Variants in GRK1 observed in about 807,000 individuals in gnomAD.
GRK1 encodes the protein G protein-coupled receptor kinase 1, also known as rhodopsin kinase GRK1.
In GRK1, 28 loss-of-function variants were observed where a neutral mutation model predicts 41.7. The observed-to-expected ratio is 0.67, with a 90% confidence interval of 0.50 to 0.92. The LOEUF (loss-of-function observed/expected upper bound fraction) is 0.92, where lower values mean the gene tolerates loss of function less well. GRK1 is among the 40% of genes least tolerant of loss of function. The pLI, the probability that GRK1 is intolerant of heterozygous loss-of-function variation, is 0.00. For synonymous variants in GRK1, 327 were observed against 286.7 expected, an observed-to-expected ratio of 1.14 and a Z score of -1.42; for missense variants, 703 against 671.2, an observed-to-expected ratio of 1.05 and a Z score of -0.52.
At chr13:113,733,850 TATGTGTGCATAC>T (rs1332072578) in intron 6 of GRK1, among the ~76,000 whole-genome samples, 3 of 137,708 alleles carry the variant, frequency 2.2e-5, no homozygotes, top group East Asian at 2.1e-4. Flanking sequence ...TGTGCATGTG[TATGTGTGCATAC>T]GTGTGTGCGT....
chr13:113,653,717 G>C, the GRK1 span, among the ~76,000 whole-genome samples: 1 of 152,230 alleles, frequency 6.6e-6, no homozygotes, highest in African/African-American at 2.4e-5. Flanking sequence ...TCTGTGACAG[G>C]TGATGACTAA....
the GRK1 span, chr13:113,658,224 T>G: frequency 1.5e-6 from 2 of 1,367,866 alleles, no homozygotes; most frequent in Non-Finnish European, 2.0e-6. Flanking sequence ...CCTCTGGGCT[T>G]TATAGTTTCC....
intron 4 of GRK1, among the ~76,000 whole-genome samples, chr13:113,724,811 C>G (rs1395353932): frequency 6.6e-6 from 1 of 152,240 alleles, no homozygotes; most frequent in Non-Finnish European, 1.5e-5. Flanking sequence ...ACGGTTGGCG[C>G]TGCGGCCCTC....
At chr13:113,733,756 TGC>T (rs769207601) in intron 6 of GRK1, among the ~76,000 whole-genome samples, 30 of 118,760 alleles carry the variant, frequency 2.5e-4, no homozygotes, top group Non-Finnish European at 5.0e-4. Context: ...TACATGTGTG[TGC>T]GTGTGTATGT....
chr13:113,652,427 A>G, the GRK1 span, among the ~76,000 whole-genome samples: 9 of 152,196 alleles, frequency 5.9e-5, no homozygotes, highest in African/African-American at 9.6e-5. Flanking sequence ...CTGCTTGGCC[A>G]GGACCTGCCC....
the GRK1 span, among the ~76,000 whole-genome samples, chr13:113,660,919 G>A: frequency 5.8e-4 from 89 of 152,300 alleles, no homozygotes; most frequent in Non-Finnish European, 1.1e-3. Flanking sequence ...TATAGTTGGA[G>A]ATCTCAACAC....
chr13:113,655,251 A>G, the GRK1 span, among the ~76,000 whole-genome samples: 1 of 152,152 alleles, frequency 6.6e-6, no homozygotes, highest in African/African-American at 2.4e-5. Flanking sequence ...GTGGCCGAGG[A>G]TGCGCCACCA....
At chr13:113,725,261 C>T (rs1730494590) in intron 4 of GRK1, among the ~76,000 whole-genome samples, 1 of 151,538 alleles carries the variant, frequency 6.6e-6, no homozygotes, top group Admixed American at 6.6e-5. Flanking sequence ...GGTGCGGACC[C>T]AGGGGCGTGC....
At position 113,733,681 on chromosome 13, in the gene GRK1, A is replaced by G. The variant is rs1427667721; in HGVS notation, c.1396+596A>G. The stretch of plus-strand genomic sequence containing the variant: ...TGTGTGCGTGTGTGCACGTGTGTGC[A>G]TGTATGTGTGCATACATGTGTGCGT... On this transcript the variant is annotated intron_variant, in intron 6 of 6. Transcript: ENST00000335678. Among the ~76,000 whole-genome samples the G allele has an allele frequency of 5.0e-3, 438 of 87,582 alleles. 6 individuals carry two copies. Among genetic ancestry groups the G allele is most frequent in the African/African-American group, 0.025 (409 of 16,680 alleles). The allele number at this position is 87,582 out of a possible 152,430, so 57.5% of individuals were successfully genotyped here. A position where few individuals can be genotyped will look rare whatever the true frequency, so the allele number is the denominator to read the frequency against.
At chr13:113,648,941 C>G in the GRK1 span, 1 of 152,522 alleles carries the variant, frequency 6.6e-6, no homozygotes, top group Non-Finnish European at 1.5e-5. Flanking sequence ...AGCAAGAATT[C>G]AGAATGTCAT....
the GRK1 span, among the ~76,000 whole-genome samples, chr13:113,658,467 A>G: frequency 1.3e-5 from 2 of 152,290 alleles, no homozygotes; most frequent in South Asian, 4.1e-4. Context: ...CAGCACTCAC[A>G]GGCCCTTCCC....
At chr13:113,663,038 T>C (rs1305377117), upstream of GRK1, among the ~76,000 whole-genome samples, 1 of 152,228 alleles carries the variant, frequency 6.6e-6, no homozygotes, top group African/African-American at 2.4e-5. Flanking sequence ...TTTTGAAATT[T>C]TTTTTGAAAA....
chr13:113,732,200 C>T (rs938908036), intron 5 of GRK1, among the ~76,000 whole-genome samples: 1 of 152,202 alleles, frequency 6.6e-6, no homozygotes, highest in Non-Finnish European at 1.5e-5. Context: ...CCTTGAGGTG[C>T]GGCTCTTCCC....
Position 113,667,316 on chromosome 13 carries a change from T to C in GRK1, c.-71T>C, listed in dbSNP as rs770238552. On this transcript the variant is annotated 5_prime_UTR_variant, in exon 1 of 7. Transcript: ENST00000335678. This position sits in a 1 kb window ranked among gnomAD's most constrained non-coding sequence, Gnocchi z 7.5. Reference sequence around the variant, plus strand: ...CCAAGGGCAGCAGTCAGGCCTGCTCTGTCTGTGAACGCTCCCGGCTTGGCC... The same window carrying C: ...CCAAGGGCAGCAGTCAGGCCTGCTCCGTCTGTGAACGCTCCCGGCTTGGCC... 11 of 1,410,428 alleles carry C rather than the reference T, an allele frequency of 7.8e-6. No homozygotes were observed. Among genetic ancestry groups the C allele is most frequent in the Non-Finnish European group, 9.5e-6 (10 of 1,055,664 alleles). The allele number at this position is 1,410,428 out of a possible 1,614,324, so 87.4% of individuals were successfully genotyped here.
chr13:113,667,400 C>A lies in GRK1; in HGVS notation c.14C>A (p.Ser5Tyr), dbSNP rs1279817294. 1.3e-6 allele frequency: 2 copies of A among 1,581,064 alleles called. No homozygotes were observed. The highest frequency in any genetic ancestry group is 2.3e-5 in the East Asian group (1 of 44,094). The change falls in exon 1 of 7, where the codon TCT becomes TAT. Residue 5 changes from serine to tyrosine, a missense_variant. Ser to Tyr is a moderately radical substitution (Grantham distance 144). Coordinates refer to ENST00000335678, the MANE Select transcript of GRK1 (RefSeq NM_002929.3). This position sits in a 1 kb window ranked among gnomAD's most constrained non-coding sequence, Gnocchi z 7.5. MDFG[S>Y]LETVVANSAF... ...GGAAGCTCCGGGATGGATTTCGGGT[C>A]TTTGGAGACCGTGGTGGCCAACTCT...
the GRK1 span, among the ~76,000 whole-genome samples, chr13:113,656,644 A>C: frequency 1.3e-5 from 2 of 152,108 alleles, no homozygotes; most frequent in Non-Finnish European, 2.9e-5. Flanking sequence ...CTGCACCTGC[A>C]CCCGTCCCCC....
In GRK1 at chr13:113,668,661, C is replaced by T. The variant is rs1046954935; in HGVS notation, c.699+576C>T. Among the ~76,000 whole-genome samples, 12 of 152,358 alleles carry T rather than the reference C, an allele frequency of 7.9e-5. No homozygotes were observed. In the South Asian group the frequency reaches 2.1e-3, roughly 26 times the overall value. On this transcript the variant is annotated intron_variant, in intron 1 of 6. Coordinates refer to ENST00000335678, the MANE Select transcript of GRK1 (RefSeq NM_002929.3). Reference sequence around the variant, plus strand: ...AAGTTTCATCCGCTCTGCCCACTGGCGTCAGACTGTGCATCTGGGGCAGGA... The same window carrying T: ...AAGTTTCATCCGCTCTGCCCACTGGTGTCAGACTGTGCATCTGGGGCAGGA...
At chr13:113,735,012 C>A (rs546410869) in intron 6 of GRK1, 56 bp from the exon 7 acceptor site, 21 of 1,435,060 alleles carry the variant, frequency 1.5e-5, no homozygotes, top group Non-Finnish European at 1.9e-5. Flanking sequence ...TTTGGCTAAA[C>A]GGCGCTTCCT....
chr13:113,649,337 C>T, the GRK1 span: 1 of 1,565,832 alleles, frequency 6.4e-7, no homozygotes, highest in East Asian at 2.4e-5. The surrounding 1 kb of genome is among the most constrained non-coding windows in gnomAD (Gnocchi z 4.7). Context: ...CCTTGAGCGA[C>T]CCCGCAGGCG....
Sources: gnomAD v4.1 joint callset for allele counts (sites outside exome capture counted in the v4.1 genomes callset) on GRCh38, gnomAD v4.1.1 for gene constraint, Gnocchi (gnomAD v3.1) non-coding constraint, MANE v1.5 for transcripts, NCBI Gene and HGNC (gene_info 2026-07-23, HGNC 2026-07-21) for gene names.